Variants in CUL5 observed in about 807,000 individuals in gnomAD.
The protein encoded by CUL5 is cullin 5.
CUL5 carries 26 observed loss-of-function variants against 108.8 expected under a neutral mutation model. The observed-to-expected ratio is 0.24, with a 90% CI of 0.18 to 0.33. The LOEUF (loss-of-function observed/expected upper bound fraction) is 0.33, where lower values mean the gene tolerates loss of function less well. Ranked by LOEUF, CUL5 falls within the 10% of genes least tolerant of loss-of-function variation. The pLI is 1.00. For synonymous variants in CUL5, 334 were observed against 298.0 expected, an observed-to-expected ratio of 1.12 and a Z score of -1.25; for missense variants, 524 against 909.2, an observed-to-expected ratio of 0.58 and a Z score of 5.45.
rs1024980617 is a variant in CUL5, at chr11:108,104,838, C to T, written c.*454C>T. On this transcript the variant is annotated 3_prime_UTR_variant, in exon 19 of 19. Coordinates refer to ENST00000393094, the MANE Select transcript of CUL5 (RefSeq NM_003478.6). Reference sequence around the variant, plus strand: ...AATGCAATTAAAACTAGAAATAGCACTCTTGGTTTCTTTTGATGAAAAGAG... The same window carrying T: ...AATGCAATTAAAACTAGAAATAGCATTCTTGGTTTCTTTTGATGAAAAGAG... 1 of 152,718 alleles carries T rather than the reference C, an allele frequency of 6.5e-6. No individual in the cohort carries two copies. The highest frequency in any genetic ancestry group is 6.6e-5 in the Admixed American group (1 of 15,264). 9.5% of individuals were successfully genotyped at this position (152,718 alleles called of 1,614,324 possible). A position where few individuals can be genotyped will look rare whatever the true frequency, so the allele number is the denominator to read the frequency against.
chr11:108,015,682 A>G (rs1296296382), intron 1 of CUL5, among the ~76,000 whole-genome samples: 1 of 152,188 alleles, frequency 6.6e-6, no homozygotes, highest in South Asian at 2.1e-4. Flanking sequence ...CTAATCAGTA[A>G]CTGTAAAACT....
chr11:108,059,552 ATTCAACCTTTG>A (rs2135151821), intron 7 of CUL5, among the ~76,000 whole-genome samples: 1 of 152,240 alleles, frequency 6.6e-6, no homozygotes, highest in South Asian at 2.1e-4. Flanking sequence ...TTGGCAAGTT[ATTCAACCTTTG>A]TAGTCTCTCT....
intron 7 of CUL5, among the ~76,000 whole-genome samples, chr11:108,058,928 G>T (rs750291454): frequency 6.6e-6 from 1 of 152,156 alleles, no homozygotes; most frequent in Non-Finnish European, 1.5e-5. Context: ...TCCGAGCTGT[G>T]CTGCTGAACA....
intron 7 of CUL5, among the ~76,000 whole-genome samples, chr11:108,064,381 C>A (rs1236566725): frequency 6.6e-6 from 1 of 152,084 alleles, no homozygotes; most frequent in East Asian, 1.9e-4. Context: ...CCCACTTGGT[C>A]ATGATGAATG....
At chr11:108,020,835 T>C (rs1862310667) in intron 1 of CUL5, among the ~76,000 whole-genome samples, 1 of 152,212 alleles carries the variant, frequency 6.6e-6, no homozygotes, top group African/African-American at 2.4e-5. Flanking sequence ...GCCTAAGTGT[T>C]TATAAAGTGT....
chr11:108,064,950 A>T (rs1360463391), intron 7 of CUL5, among the ~76,000 whole-genome samples: 1 of 151,984 alleles, frequency 6.6e-6, no homozygotes, highest in Non-Finnish European at 1.5e-5. Context: ...ATTTGGTAGG[A>T]TTCAGCAGTG....
intron 1 of CUL5, among the ~76,000 whole-genome samples, chr11:108,026,347 T>C (rs902549903): frequency 6.6e-6 from 1 of 152,178 alleles, no homozygotes; most frequent in Admixed American, 6.5e-5. Context: ...ATTCTTCCAC[T>C]TTCCTAGATG....
At chr11:108,048,729 C>T (rs183468270) in intron 3 of CUL5, among the ~76,000 whole-genome samples, 26 of 140,542 alleles carry the variant, frequency 1.8e-4, no homozygotes, top group Middle Eastern at 4.8e-3. Flanking sequence ...TGCAGTAGCG[C>T]GATCTCGGCT....
chr11:108,087,398 A>G (rs1864244320), intron 11 of CUL5, among the ~76,000 whole-genome samples: 1 of 152,228 alleles, frequency 6.6e-6, no homozygotes, highest in African/African-American at 2.4e-5. Flanking sequence ...CTTGAATTTT[A>G]TAAGCACAAG....
At chr11:108,023,717 A>G (rs1862384828) in intron 1 of CUL5, among the ~76,000 whole-genome samples, 1 of 152,360 alleles carries the variant, frequency 6.6e-6, no homozygotes, top group African/African-American at 2.4e-5. Context: ...CAAGCTCCCC[A>G]AAATAAGTTT....
chr11:108,083,209 CATTAT>C (rs1273888743), intron 11 of CUL5, among the ~76,000 whole-genome samples: 8 of 152,070 alleles, frequency 5.3e-5, no homozygotes, highest in Admixed American at 1.3e-4. Flanking sequence ...AGTCTTTTGC[CATTAT>C]ATTGTTTTAT....
intron 2 of CUL5, among the ~76,000 whole-genome samples, chr11:108,040,611 C>CAAAAAA (rs71047667): frequency 6.1e-4 from 69 of 112,630 alleles, no homozygotes; most frequent in Non-Finnish European, 7.2e-4. Context: ...GACTCCGTCT[C>CAAAAAA]AAAAAAAAAA....
chr11:108,009,122 G>T lies in CUL5; in HGVS notation c.-227G>T. 1.7e-6 allele frequency: 1 copy of T among 590,048 alleles called. No individual in the cohort carries two copies. Among genetic ancestry groups the T allele is most frequent in the Non-Finnish European group, 3.1e-6 (1 of 326,960 alleles). The allele number at this position is 590,048 out of a possible 1,614,324, so 36.6% of individuals were successfully genotyped here. The stretch of plus-strand genomic sequence containing the variant: ...CGGTCTTCCTGAGCGCGTGCATGAG[G>T]TCTTTCGCGTGGGGAAGCTCCGGTG... On this transcript the variant is annotated 5_prime_UTR_variant, in exon 1 of 19. Transcript: ENST00000393094.
intron 7 of CUL5, among the ~76,000 whole-genome samples, chr11:108,064,253 G>C (rs1427386756): frequency 6.6e-6 from 1 of 152,186 alleles, no homozygotes; most frequent in African/African-American, 2.4e-5. Context: ...AATTTTATCA[G>C]ATGCTTTTTC....
At chr11:108,101,671 G>A (rs1259132451) in intron 18 of CUL5, among the ~76,000 whole-genome samples, 1 of 152,250 alleles carries the variant, frequency 6.6e-6, no homozygotes, top group Non-Finnish European at 1.5e-5. Flanking sequence ...AGAGTCAGAA[G>A]TGCAGATTAT....
At chr11:108,057,898 A>T (rs1270917663) in intron 7 of CUL5, among the ~76,000 whole-genome samples, 1 of 152,180 alleles carries the variant, frequency 6.6e-6, no homozygotes, top group Non-Finnish European at 1.5e-5. Context: ...TGTAATCATT[A>T]ATCAAAGAAG....
At position 108,094,408 on chromosome 11, in the gene CUL5, G is replaced by A. The variant is rs140188543; in HGVS notation, c.1461G>A (p.Ala487=). The A allele has an allele frequency of 1.4e-3, 2,198 of 1,580,888 alleles. 4 individuals are homozygous for A. The highest frequency in any genetic ancestry group is 1.7e-3 in the Non-Finnish European group (2,009 of 1,165,556). ...VEWLREVGMP[A]DYVNKLARMF... ...ATTTATAGGAAGTTGGTATGCCAGC[G>A]GATTATGTAAACAAGCTTGCTAGAA... Residue 487 remains alanine (A), a synonymous_variant, in exon 14 of 19, where the codon GCG becomes GCA. Coordinates refer to ENST00000393094, the MANE Select transcript of CUL5 (RefSeq NM_003478.6).
At chr11:108,085,626 A>G (rs1864201382) in intron 11 of CUL5, among the ~76,000 whole-genome samples, 1 of 152,248 alleles carries the variant, frequency 6.6e-6, no homozygotes, top group Non-Finnish European at 1.5e-5. Context: ...GGAATGAACT[A>G]CTGGTACATG....
At chr11:108,027,230 A>G (rs1183037787) in intron 1 of CUL5, among the ~76,000 whole-genome samples, 1 of 148,162 alleles carries the variant, frequency 6.7e-6, no homozygotes, top group African/African-American at 2.5e-5. Flanking sequence ...CTCCGCCTCC[A>G]GGCCTTAGTA....
Sources: gnomAD v4.1 joint callset for allele counts (sites outside exome capture counted in the v4.1 genomes callset) on GRCh38, gnomAD v4.1.1 for gene constraint, MANE v1.5 for transcripts, NCBI Gene and HGNC (gene_info 2026-07-23, HGNC 2026-07-21) for gene names.